ADRA1D: variants seen among roughly 807,000 people sequenced by gnomAD.
The protein encoded by ADRA1D is adrenoceptor alpha 1D, also known as alpha-1D adrenergic receptor.
ADRA1D carries 22 observed loss-of-function variants against 18.6 expected under a neutral mutation model. That is an observed-to-expected ratio of 1.19 (90% CI 0.85 to 1.69). The LOEUF (loss-of-function observed/expected upper bound fraction) is 1.69. ADRA1D is among the 40% of genes most tolerant of loss of function. ADRA1D has a pLI of 0.00. For missense variants in ADRA1D, 840 were observed against 840.7 expected (o/e 1.00, Z 0.01); for synonymous variants, 376 against 388.2 (o/e 0.97, Z 0.37).
At chr20:4,236,831 G>A (rs1337322813) in intron 1 of ADRA1D, among the ~76,000 whole-genome samples, 28 of 152,182 alleles carry the variant, frequency 1.8e-4, no homozygotes, top group Admixed American at 1.4e-3. Context: ...GCAGGGCCAT[G>A]AGCCAAGACA....
intron 1 of ADRA1D, among the ~76,000 whole-genome samples, chr20:4,231,070 CTCTCTCTCTCTCT>C (rs1980952285): frequency 1.1e-3 from 100 of 94,224 alleles, no homozygotes; most frequent in African/African-American, 3.3e-3. Context: ...TTCTTTCTCT[CTCTCTCTCTCTCT>C]TTTCTTTTCT....
Position 4,221,465 on chromosome 20 carries a change from C to T in ADRA1D, c.*58G>A. ...GGGGGCTCTTAGAACACCAGCCCGCCTCTCTGGTCCCCCTTACCCCCAAGC... is the reference window on the plus strand; with the variant it reads ...GGGGGCTCTTAGAACACCAGCCCGCTTCTCTGGTCCCCCTTACCCCCAAGC... On this transcript the variant is annotated 3_prime_UTR_variant, in exon 2 of 2. Transcript: ENST00000379453. The T allele has an allele frequency of 1.3e-6, 2 of 1,528,654 alleles. No homozygotes were observed. Among genetic ancestry groups the T allele is most frequent in the South Asian group, 1.3e-5 (1 of 78,516 alleles). The allele number at this position is 1,528,654 out of a possible 1,614,324, so 94.7% of individuals were successfully genotyped here.
In ADRA1D at chr20:4,221,331, G is replaced by A. The variant is rs1304585321; in HGVS notation, c.*192C>T. On this transcript the variant is annotated 3_prime_UTR_variant, in exon 2 of 2. Coordinates refer to ENST00000379453, the MANE Select transcript of ADRA1D (RefSeq NM_000678.4). Reference sequence around the variant, plus strand: ...TCTGGGCACCTGAGTCCAGCAGGGGGCCCCACTACTTTTCACCTTTCAAGG... The same window carrying A: ...TCTGGGCACCTGAGTCCAGCAGGGGACCCCACTACTTTTCACCTTTCAAGG... 6 of 587,216 alleles carry A rather than the reference G, an allele frequency of 1.0e-5. No homozygotes were observed. Among genetic ancestry groups the A allele is most frequent in the Admixed American group, 3.6e-5 (1 of 27,816 alleles). 36.4% of individuals were successfully genotyped at this position (587,216 alleles called of 1,614,324 possible). A position where few individuals can be genotyped will look rare whatever the true frequency, so the allele number is the denominator to read the frequency against.
chr20:4,231,065 T>C (rs568837288), intron 1 of ADRA1D, among the ~76,000 whole-genome samples: 140 of 75,818 alleles, frequency 1.8e-3, no homozygotes, highest in African/African-American at 6.9e-3. Flanking sequence ...TTTCTTTCTT[T>C]CTCTCTCTCT....
chr20:4,242,654 C>T (rs1981240511), intron 1 of ADRA1D, among the ~76,000 whole-genome samples: 1 of 152,108 alleles, frequency 6.6e-6, no homozygotes, highest in Admixed American at 6.5e-5. Context: ...CCTGGGACTT[C>T]TGATATCAGA....
rs1378448988 is a variant in ADRA1D, at chr20:4,249,155, C to G, written c.-198G>C. 2 of 247,906 alleles carry G rather than the reference C, an allele frequency of 8.1e-6. No individual in the cohort carries two copies. The highest frequency in any genetic ancestry group is 2.3e-5 in the African/African-American group (1 of 43,284). The allele number at this position is 247,906 out of a possible 1,614,324, so 15.4% of individuals were successfully genotyped here. On this transcript the variant is annotated 5_prime_UTR_variant, in exon 1 of 2. Transcript: ENST00000379453. The stretch of plus-strand genomic sequence containing the variant: ...TGGCCCGGGCGGCGGCCGGGCTCCC[C>G]GAGGCCGGCCGTGGAGTAGCACCGA...
Position 4,248,874 on chromosome 20 carries a change from G to C in ADRA1D, c.84C>G (p.Gly28=). The C allele has an allele frequency of 1.8e-6, 2 of 1,103,974 alleles. No individual in the cohort carries two copies. The highest frequency in any genetic ancestry group is 2.2e-6 in the Non-Finnish European group (2 of 907,078). The allele number at this position is 1,103,974 out of a possible 1,614,324, so 68.4% of individuals were successfully genotyped here. ...GGGCCGCGCCGCCCGCGCTGCCCCCGCCGCCGCCCGCGCTGGAGCCCCCTG... is the reference window on the plus strand; with the variant it reads ...GGGCCGCGCCGCCCGCGCTGCCCCCCCCGCCGCCCGCGCTGGAGCCCCCTG... ...SSAGGSSAGG[G]GGSAGGAAPS... is the part of the protein sequence containing the mutation. The change falls in exon 1 of 2, where the codon GGC becomes GGG. Residue 28 remains glycine (G), a synonymous_variant. Transcript: ENST00000379453.
At chr20:4,245,004 T>C (rs1402868544) in intron 1 of ADRA1D, among the ~76,000 whole-genome samples, 1 of 152,120 alleles carries the variant, frequency 6.6e-6, no homozygotes, top group Non-Finnish European at 1.5e-5. Context: ...CTACACCACA[T>C]GTGAGGCGCA....
rs1981157449 is a variant in ADRA1D at position 4,239,040 on chromosome 20, C to T, written c.1111+8807G>A. ...CAGGGAGGACAGGAGCAGATGGACT[C>T]AGGAGGAAGAGCTTCACTGAGGATT... On this transcript the variant is annotated intron_variant, in intron 1 of 1. Coordinates refer to ENST00000379453, the MANE Select transcript of ADRA1D (RefSeq NM_000678.4). The surrounding 1 kb of genome is among the most constrained non-coding windows in gnomAD (Gnocchi z 4.9). Among the ~76,000 whole-genome samples the T allele has an allele frequency of 6.6e-6, 1 of 151,822 alleles. No individual in the cohort carries two copies. The highest frequency in any genetic ancestry group is 2.1e-4 in the South Asian group (1 of 4,812).
At chr20:4,231,388 G>A (rs1980967851) in intron 1 of ADRA1D, among the ~76,000 whole-genome samples, 1 of 151,852 alleles carries the variant, frequency 6.6e-6, no homozygotes, top group Admixed American at 6.6e-5. Context: ...CAAAGTGCTG[G>A]GATTCCAGGA....
Position 4,221,392 on chromosome 20 carries a change from T to C in ADRA1D, c.*131A>G. On this transcript the variant is annotated 3_prime_UTR_variant, in exon 2 of 2. Transcript: ENST00000379453. The stretch of plus-strand genomic sequence containing the variant: ...CAAGCTCTGCCCAGTTCCTCAGGGA[T>C]GTCACAGAGCAGCTGCCCTGATCAG... 9.9e-7 allele frequency: 1 copy of C among 1,014,998 alleles called. No homozygotes were observed. Among genetic ancestry groups the C allele is most frequent in the South Asian group, 1.8e-5 (1 of 55,856 alleles). The allele number at this position is 1,014,998 out of a possible 1,614,324, so 62.9% of individuals were successfully genotyped here.
intron 1 of ADRA1D, among the ~76,000 whole-genome samples, chr20:4,243,202 G>A (rs547301273): frequency 6.6e-6 from 1 of 152,222 alleles, no homozygotes; most frequent in East Asian, 1.9e-4. Context: ...CTTTTATCAG[G>A]GACTTTTCCA....
chr20:4,236,792 C>G (rs955993619), intron 1 of ADRA1D, among the ~76,000 whole-genome samples: 1 of 152,102 alleles, frequency 6.6e-6, no homozygotes, highest in Non-Finnish European at 1.5e-5. Context: ...ACAGAAGCGG[C>G]AGTCGGACCA....
intron 1 of ADRA1D, among the ~76,000 whole-genome samples, chr20:4,225,334 C>T (rs1467614507): frequency 2.0e-5 from 3 of 150,512 alleles, no homozygotes; most frequent in Non-Finnish European, 4.4e-5. Context: ...TATTATTTTT[C>T]TAGAAGGAAT....
chr20:4,248,234 CA>C lies in ADRA1D; in HGVS notation c.723del (p.Asp242ThrfsTer136). ...TCGGTGATACCGCAGAAGCGCTCGT[CA>C]GGGGGCACGGGCTCCTTCCAGCCCA... ...PLLGWKEPVP[P>X]DERFCGITEE... On this transcript the variant is annotated frameshift_variant, in exon 1 of 2. Transcript: ENST00000379453. LOFTEE classifies it high-confidence loss of function. 6.2e-7 allele frequency: 1 copy of C among 1,603,724 alleles called. No individual in the cohort carries two copies. Among genetic ancestry groups the C allele is most frequent in the Non-Finnish European group, 8.5e-7 (1 of 1,175,492 alleles).
chr20:4,230,423 C>T lies in ADRA1D; in HGVS notation c.1112-8293G>A, dbSNP rs142241186. 6.6e-3 allele frequency among the ~76,000 whole-genome samples: 1,000 copies of T among 152,352 alleles called. 3 individuals are homozygous for T. The highest frequency in any genetic ancestry group is 0.011 in the Non-Finnish European group (749 of 68,042). Reference sequence around the variant, plus strand: ...ATCCTACACATCCAACTGGTCACCACGTCCTGTGCGGTAGATGTCCTTTTT... The same window carrying T: ...ATCCTACACATCCAACTGGTCACCATGTCCTGTGCGGTAGATGTCCTTTTT... On this transcript the variant is annotated intron_variant, in intron 1 of 1. Transcript: ENST00000379453.
In ADRA1D at chr20:4,221,946, A is replaced by C. The variant is rs760501584; in HGVS notation, c.1296T>G (p.Arg432=). 9 of 1,542,028 alleles carry C rather than the reference A, an allele frequency of 5.8e-6. No homozygotes were observed. The highest frequency in any genetic ancestry group is 6.1e-6 in the Non-Finnish European group (7 of 1,143,988). ...AGGCCCGCCAGTGGTGGCCGTAGAC[A>C]CGCCAGAGAGGGCGGCGGCGCCGGC... ...RRRRRRRPLW[R]VYGHHWRAST... Residue 432 remains arginine (R), a synonymous_variant, in exon 2 of 2, where the codon CGT becomes CGG. Transcript: ENST00000379453.
At position 4,229,966 on chromosome 20, in the gene ADRA1D, C is replaced by T. The variant is rs118181669; in HGVS notation, c.1112-7836G>A. Among the ~76,000 whole-genome samples the T allele has an allele frequency of 7.0e-3, 1,070 of 152,234 alleles. 9 individuals are homozygous for T. Among genetic ancestry groups the T allele is most frequent in the Non-Finnish European group, 0.012 (789 of 68,018 alleles). ...CAAATCTCTCCTCTCCTCTCCTTCCCTCGCCTACTCTGTTCCAGCCACATT... is the reference window on the plus strand; with the variant it reads ...CAAATCTCTCCTCTCCTCTCCTTCCTTCGCCTACTCTGTTCCAGCCACATT... On this transcript the variant is annotated intron_variant, in intron 1 of 1. Transcript: ENST00000379453.
intron 1 of ADRA1D, among the ~76,000 whole-genome samples, chr20:4,227,704 C>CTCCTTCCTTCCTTCCCTTCCTTCCT (rs1980843146): frequency 1.1e-5 from 1 of 92,542 alleles, no homozygotes; most frequent in Non-Finnish European, 2.2e-5. Flanking sequence ...CCCTCCCTCC[C>CTCCTTCCTTCCTTCCCTTCCTTCCT]TCCTTCCTTC....
Sources: allele counts gnomAD v4.1 joint callset (sites outside exome capture counted in the v4.1 genomes callset), GRCh38; gene constraint gnomAD v4.1.1; non-coding constraint Gnocchi (gnomAD v3.1); transcripts MANE v1.5; gene names NCBI Gene and HGNC (gene_info 2026-07-23, HGNC 2026-07-21).